Variants in CSMD1 observed in about 807,000 individuals in gnomAD.
The protein encoded by CSMD1 is CUB and sushi domain-containing protein 1.
A neutral mutation model predicts 417.5 loss-of-function variants in CSMD1; 213 were observed. The observed-to-expected ratio is 0.51, with a 90% CI of 0.46 to 0.57. The LOEUF (loss-of-function observed/expected upper bound fraction) is 0.57. Ranked by LOEUF, CSMD1 falls within the 20% of genes least tolerant of loss-of-function variation. The pLI is 0.00. For synonymous variants in CSMD1, 2,862 were observed against 1,736.8 expected (o/e 1.65, Z -16.11); for missense variants, 6,923 against 4,529.7 (o/e 1.53, Z -15.17).
At chr8:3,765,897 T>G (rs1258932556) in intron 5 of CSMD1, among the ~76,000 whole-genome samples, 1 of 152,014 alleles carries the variant, frequency 6.6e-6, no homozygotes, top group Non-Finnish European at 1.5e-5. Context: ...GGTATGAGAG[T>G]CCATCTCAAA....
chr8:4,507,964 G>C (rs756408627), intron 2 of CSMD1, among the ~76,000 whole-genome samples: 3 of 151,964 alleles, frequency 2.0e-5, no homozygotes, highest in African/African-American at 7.2e-5. Flanking sequence ...CCTCATAGTA[G>C]AGACAAGTGT....
At chr8:3,863,187 A>T (rs1804835992) in intron 5 of CSMD1, among the ~76,000 whole-genome samples, 1 of 152,104 alleles carries the variant, frequency 6.6e-6, no homozygotes, top group African/African-American at 2.4e-5. Context: ...ACTTGAGGTC[A>T]GGAGTTTGAG....
chr8:4,970,273 G>A (rs538721444), intron 1 of CSMD1, among the ~76,000 whole-genome samples: 1 of 152,080 alleles, frequency 6.6e-6, no homozygotes, highest in Non-Finnish European at 1.5e-5. Flanking sequence ...TGATCTGCCT[G>A]TAAGTGATAG....
chr8:3,076,065 A>AT (rs1324382915), intron 49 of CSMD1, among the ~76,000 whole-genome samples: 3 of 151,762 alleles, frequency 2.0e-5, no homozygotes. Flanking sequence ...AAAAGAAAAA[A>AT]AAAAAAAGAC....
At chr8:3,791,053 G>C (rs936048710) in intron 5 of CSMD1, among the ~76,000 whole-genome samples, 3 of 152,174 alleles carry the variant, frequency 2.0e-5, no homozygotes, top group African/African-American at 4.8e-5. Flanking sequence ...TTTTTAATAT[G>C]ATTTATGGCT....
chr8:3,997,589 A>T (rs953029917), intron 5 of CSMD1, among the ~76,000 whole-genome samples: 1 of 152,334 alleles, frequency 6.6e-6, no homozygotes, highest in African/African-American at 2.4e-5. Context: ...GCTCACAGTG[A>T]AACAGCTTCA....
At chr8:3,601,051 T>C (rs969147256) in intron 8 of CSMD1, among the ~76,000 whole-genome samples, 3 of 152,174 alleles carry the variant, frequency 2.0e-5, no homozygotes, top group Non-Finnish European at 4.4e-5. Flanking sequence ...TCATCCCGCA[T>C]GATATCGTGG....
At chr8:4,960,105 A>C (rs79031544) in intron 1 of CSMD1, among the ~76,000 whole-genome samples, 8,114 of 152,226 alleles carry the variant, frequency 0.053, 623 homozygotes, top group African/African-American at 0.17. Context: ...TAATGAATAC[A>C]TTTTTAGGAG....
At chr8:4,189,264 A>T (rs997329729) in intron 3 of CSMD1, among the ~76,000 whole-genome samples, 2 of 152,218 alleles carry the variant, frequency 1.3e-5, no homozygotes, top group African/African-American at 4.8e-5. Context: ...CCATCTGTAG[A>T]GAAACACTTC....
chr8:4,447,175 G>C (rs551388665), intron 2 of CSMD1, among the ~76,000 whole-genome samples: 2 of 152,156 alleles, frequency 1.3e-5, no homozygotes, highest in Non-Finnish European at 2.9e-5. Flanking sequence ...TTGATCCCAT[G>C]TTATTTCCCA....
At chr8:4,563,165 G>T in intron 2 of CSMD1, among the ~76,000 whole-genome samples, 1 of 152,084 alleles carries the variant, frequency 6.6e-6, no homozygotes, top group East Asian at 1.9e-4. Flanking sequence ...ACTTTCGGAG[G>T]CCGAGGCAGG....
At chr8:4,014,246 CAACA>C (rs1237477927) in intron 4 of CSMD1, among the ~76,000 whole-genome samples, 7 of 152,150 alleles carry the variant, frequency 4.6e-5, no homozygotes, top group South Asian at 2.1e-4. Context: ...CTAACAGAAG[CAACA>C]AACACAGTGC....
At position 4,192,516 on chromosome 8, in the gene CSMD1, C is replaced by T. The variant is rs183698406; in HGVS notation, c.416-160417G>A. Among the ~76,000 whole-genome samples, 3 of 151,512 alleles carry T rather than the reference C, an allele frequency of 2.0e-5. 1 individual carries two copies. In the East Asian group the frequency reaches 5.8e-4, roughly 29 times the overall value. On this transcript the variant is annotated intron_variant, in intron 3 of 69. Transcript: ENST00000635120. ...AAACTAAAGCCCGTTTAAGACAATA[C>T]CCCCTGACCTTTCAGCAACAGGGGC...
Position 3,493,632 on chromosome 8 carries a change from A to G in CSMD1, c.1439T>C (p.Val480Ala). Residue 480 changes from valine (V) to alanine (A), a missense_variant, in exon 11 of 70, where the codon GTC (valine) becomes GCC (alanine). Val to Ala is a moderately conservative substitution (Grantham distance 64). Coordinates refer to ENST00000635120, the MANE Select transcript of CSMD1 (RefSeq NM_033225.6). ...DAGKVGDTRS[V>A]LYVLTGSSVP... is the part of the protein sequence containing the mutation. ...TCAAGGACATACTCACACGTACAAG[A>G]CCGATCTGGTGTCTCCCACCTTCCC... 6.2e-7 allele frequency: 1 copy of G among 1,609,408 alleles called. No homozygotes were observed. Among genetic ancestry groups the G allele is most frequent in the Non-Finnish European group, 8.5e-7 (1 of 1,177,884 alleles).
intron 10 of CSMD1, among the ~76,000 whole-genome samples, chr8:3,510,547 A>G (rs1374827463): frequency 1.3e-5 from 2 of 151,876 alleles, no homozygotes; most frequent in Non-Finnish European, 2.9e-5. Flanking sequence ...CAAATGAAGC[A>G]ACATTTGTCA....
chr8:3,902,972 T>C (rs1240095244), intron 5 of CSMD1, among the ~76,000 whole-genome samples: 1 of 152,156 alleles, frequency 6.6e-6, no homozygotes, highest in Non-Finnish European at 1.5e-5. Context: ...TCTGACCTCC[T>C]GAACATGCAT....
intron 2 of CSMD1, among the ~76,000 whole-genome samples, chr8:4,598,821 T>C (rs779051344): frequency 1.6e-4 from 25 of 152,144 alleles, no homozygotes; most frequent in Non-Finnish European, 2.8e-4. Flanking sequence ...ATAGAACAAA[T>C]TGTATTGTCC....
chr8:3,339,794 C>CA (rs1183724920), intron 23 of CSMD1, among the ~76,000 whole-genome samples: 2 of 152,136 alleles, frequency 1.3e-5, no homozygotes, highest in Non-Finnish European at 2.9e-5. Flanking sequence ...GAAGTACAAA[C>CA]AAGTGGACAC....
rs547407500 is a variant in CSMD1 at position 3,926,176 on chromosome 8, A to G, written c.818+71727T>C. On this transcript the variant is annotated intron_variant, in intron 5 of 69. Coordinates refer to ENST00000635120, the MANE Select transcript of CSMD1 (RefSeq NM_033225.6). Reference sequence around the variant, plus strand: ...GGGGTTTATGTATACTTTCTAAGTCATATTTTTCCCAGACATGATTTTAAG... The same window carrying G: ...GGGGTTTATGTATACTTTCTAAGTCGTATTTTTCCCAGACATGATTTTAAG... 3.0e-3 allele frequency among the ~76,000 whole-genome samples: 462 copies of G among 151,858 alleles called. 4 individuals carry two copies. Among genetic ancestry groups the G allele is most frequent in the African/African-American group, 7.5e-3 (309 of 41,414 alleles).
Sources: allele counts gnomAD v4.1 joint callset (sites outside exome capture counted in the v4.1 genomes callset), GRCh38; gene constraint gnomAD v4.1.1; transcripts MANE v1.5; gene names NCBI Gene and HGNC (gene_info 2026-07-23, HGNC 2026-07-21).